The following GRM7 variants were observed in gnomAD, a reference collection of about 807,000 sequenced individuals.
GRM7 encodes the protein metabotropic glutamate receptor 7.
In GRM7, 35 loss-of-function variants were observed where a neutral mutation model predicts 84.5. The ratio of observed to expected loss-of-function variants is 0.41; its 90% confidence interval spans 0.32 to 0.55. The LOEUF (loss-of-function observed/expected upper bound fraction) is 0.55, where lower values mean the gene tolerates loss of function less well. Ranked by LOEUF, GRM7 falls within the 20% of genes least tolerant of loss-of-function variation. The pLI is 0.19. For synonymous variants in GRM7, 487 were observed against 455.1 expected, an observed-to-expected ratio of 1.07 and a Z score of -0.89; for missense variants, 1,003 against 1,194.6, an observed-to-expected ratio of 0.84 and a Z score of 2.36.
At chr3:6,887,628 C>T (rs1695751588) in intron 1 of GRM7, among the ~76,000 whole-genome samples, 1 of 152,152 alleles carries the variant, frequency 6.6e-6, no homozygotes, top group Non-Finnish European at 1.5e-5. Context: ...TCCAGTCTAT[C>T]ATTGCTGGAC....
In GRM7 at chr3:7,212,598, G is replaced by T. The variant is rs1696468616; in HGVS notation, c.736+65930G>T. Among the ~76,000 whole-genome samples the T allele has an allele frequency of 3.3e-5, 5 of 152,292 alleles. No individual in the cohort carries two copies. In the South Asian group the frequency reaches 1.0e-3, roughly 32 times the overall value. ...CTGGTCTCTCGGGAATACAGGAAGA[G>T]AAGAAGGAAGGTAATTTTGTACAAT... On this transcript the variant is annotated intron_variant, in intron 2 of 9. Coordinates refer to ENST00000357716, the MANE Select transcript of GRM7 (RefSeq NM_000844.4).
chr3:7,641,711 C>A (rs142830546), intron 8 of GRM7, among the ~76,000 whole-genome samples: 1 of 152,072 alleles, frequency 6.6e-6, no homozygotes, highest in South Asian at 2.1e-4. Flanking sequence ...GAAAATAATA[C>A]GCAATGATGT....
chr3:7,096,816 T>G (rs1430752514), intron 1 of GRM7, among the ~76,000 whole-genome samples: 1 of 152,142 alleles, frequency 6.6e-6, no homozygotes, highest in African/African-American at 2.4e-5. Flanking sequence ...ATCAGGAAAT[T>G]CCAGTGGTTT....
rs1225145341 is a variant in GRM7 at position 7,146,562 on chromosome 3, A to G, written c.630A>G (p.Val210=). Residue 210 remains valine, a synonymous_variant, in exon 2 of 10, where the codon GTA becomes GTG. Transcript: ENST00000357716. ...ATTCCTTCCAAGCCCAGGCCATGGT[A>G]GACATTGTAAAGGCCCTAGGCTGGA... ...PPDSFQAQAM[V]DIVKALGWNY... is the part of the protein sequence containing the mutation. The G allele has an allele frequency of 1.2e-6, 2 of 1,613,856 alleles. No individual in the cohort carries two copies. The highest frequency in any genetic ancestry group is 1.7e-5 in the Admixed American group (1 of 59,994).
intron 7 of GRM7, among the ~76,000 whole-genome samples, chr3:7,549,282 T>C (rs565509244): frequency 8.7e-4 from 132 of 152,340 alleles, no homozygotes; most frequent in African/African-American, 3.0e-3. Flanking sequence ...TTTCTTTTCA[T>C]CTGAGTTTAT....
chr3:7,648,115 C>T (rs1214404581), intron 8 of GRM7, among the ~76,000 whole-genome samples: 5 of 152,062 alleles, frequency 3.3e-5, no homozygotes, highest in African/African-American at 1.2e-4. Flanking sequence ...CAGTGACTTC[C>T]AGAGCAGTAT....
intron 4 of GRM7, among the ~76,000 whole-genome samples, chr3:7,343,086 A>G (rs17047175): frequency 0.042 from 6,327 of 152,234 alleles, 293 homozygotes; most frequent in African/African-American, 0.12. Context: ...AGCTATGTAC[A>G]TGGCAGCTAC....
chr3:7,311,347 C>A (rs1354060814), intron 4 of GRM7, among the ~76,000 whole-genome samples: 1 of 152,108 alleles, frequency 6.6e-6, no homozygotes, highest in South Asian at 2.1e-4. Context: ...AGGCCAGCAT[C>A]CACTGGACTC....
At position 7,104,909 on chromosome 3, in the gene GRM7, A is replaced by G. The variant is rs985151068; in HGVS notation, c.520-41543A>G. Among the ~76,000 whole-genome samples, 22 of 151,960 alleles carry G rather than the reference A, an allele frequency of 1.4e-4. No individual in the cohort carries two copies. In the East Asian group the frequency reaches 4.1e-3, roughly 28 times the overall value. On this transcript the variant is annotated intron_variant, in intron 1 of 9. Transcript: ENST00000357716. ...TCCAGAATGTTAATCAATATAATACAATATAATACAAAATATATAGATTAA... is the reference window on the plus strand; with the variant it reads ...TCCAGAATGTTAATCAATATAATACGATATAATACAAAATATATAGATTAA...
rs375815217 is a variant in GRM7 at position 7,335,700 on chromosome 3, TC to T, written c.1033+29049del. Among the ~76,000 whole-genome samples, 1,064 of 151,854 alleles carry T rather than the reference TC, an allele frequency of 7.0e-3. 19 individuals are homozygous for T. The highest frequency in any genetic ancestry group is 0.025 in the African/African-American group (1,016 of 41,446). On this transcript the variant is annotated intron_variant, in intron 4 of 9. Transcript: ENST00000357716. ...AAGAAGAGAGAAGATCCAAATAAGC[TC>T]AATTAGAAATGAAATGGGAGGTATT...
At chr3:7,292,465 G>A (rs776900560) in intron 2 of GRM7, among the ~76,000 whole-genome samples, 7 of 152,032 alleles carry the variant, frequency 4.6e-5, no homozygotes, top group African/African-American at 7.3e-5. Flanking sequence ...TGTGATTTGG[G>A]GTGAGTTATT....
At chr3:7,713,911 G>A (rs1317678615) in intron 9 of GRM7, among the ~76,000 whole-genome samples, 2 of 148,222 alleles carry the variant, frequency 1.3e-5, no homozygotes, top group Non-Finnish European at 3.0e-5. Flanking sequence ...TAGCTGATGG[G>A]AACAAAAACA....
At chr3:7,119,914 G>A (rs751876325) in intron 1 of GRM7, among the ~76,000 whole-genome samples, 29 of 152,172 alleles carry the variant, frequency 1.9e-4, no homozygotes, top group Non-Finnish European at 2.4e-4. Context: ...ATGTGTTTGC[G>A]TGGTATTTGT....
chr3:6,963,295 C>G (rs192176713), intron 1 of GRM7, among the ~76,000 whole-genome samples: 111 of 152,334 alleles, frequency 7.3e-4, no homozygotes, highest in Admixed American at 1.5e-3. Flanking sequence ...ATTTTGCATT[C>G]TTTAGCTCAG....
chr3:7,096,355 T>G (rs1427082177), intron 1 of GRM7, among the ~76,000 whole-genome samples: 2 of 152,176 alleles, frequency 1.3e-5, no homozygotes, highest in African/African-American at 4.8e-5. Context: ...ATAGATTGGC[T>G]ATAAGTTTTG....
chr3:6,891,456 T>A (rs561934213), intron 1 of GRM7, among the ~76,000 whole-genome samples: 1 of 152,296 alleles, frequency 6.6e-6, no homozygotes, highest in Admixed American at 6.5e-5. Flanking sequence ...AGCATTTGCT[T>A]GTCTGTAAAG....
intron 2 of GRM7, among the ~76,000 whole-genome samples, chr3:7,164,175 A>G (rs1694724624): frequency 6.6e-6 from 1 of 152,192 alleles, no homozygotes; most frequent in South Asian, 2.1e-4. Flanking sequence ...CCTGGCCAAC[A>G]TGGTGAAACC....
At chr3:7,609,523 C>A (rs751110485) in intron 8 of GRM7, among the ~76,000 whole-genome samples, 65 of 152,192 alleles carry the variant, frequency 4.3e-4, no homozygotes, top group Non-Finnish European at 7.9e-4. Context: ...AGAAGATGAG[C>A]CTTTCCTCCA....
intron 4 of GRM7, among the ~76,000 whole-genome samples, chr3:7,319,052 G>A (rs545341633): frequency 2.6e-5 from 4 of 152,150 alleles, no homozygotes; most frequent in African/African-American, 9.6e-5. Context: ...CTTTAATTGA[G>A]TTCAACCTAG....
Sources: allele counts gnomAD v4.1 joint callset (sites outside exome capture counted in the v4.1 genomes callset), GRCh38; gene constraint gnomAD v4.1.1; transcripts MANE v1.5; gene names NCBI Gene and HGNC (gene_info 2026-07-23, HGNC 2026-07-21).